MAPK10: variants seen among roughly 807,000 people sequenced by gnomAD.
MAPK10 encodes mitogen-activated protein kinase 10.
Under a neutral mutation model 59.3 loss-of-function variants are expected in MAPK10, and 25 were observed. The ratio of observed to expected loss-of-function variants is 0.42; its 90% CI spans 0.31 to 0.59. MAPK10 has a LOEUF of 0.59. MAPK10 is among the 20% of genes least tolerant of loss of function. The pLI is 0.15. For missense variants in MAPK10, 351 were observed against 568.9 expected, an observed-to-expected ratio of 0.62 and a Z score of 3.90; for synonymous variants, 190 against 200.5, an observed-to-expected ratio of 0.95 and a Z score of 0.44.
intron 2 of MAPK10, among the ~76,000 whole-genome samples, chr4:86,227,165 A>G (rs1304454724): frequency 6.6e-6 from 1 of 152,120 alleles, no homozygotes; most frequent in Non-Finnish European, 1.5e-5. Flanking sequence ...AAGTGTAAAT[A>G]TCTACTTTGC....
At chr4:86,559,289 A>G (rs938503793) in intron 1 of MAPK10, among the ~76,000 whole-genome samples, 3 of 152,092 alleles carry the variant, frequency 2.0e-5, no homozygotes, top group Middle Eastern at 3.2e-3. Context: ...TTCCAAAAAA[A>G]AAAAATCTAA....
intron 4 of MAPK10, chr4:86,124,567 A>G (rs2059775809): frequency 6.6e-6 from 1 of 151,926 alleles, no homozygotes; most frequent in Admixed American, 6.6e-5. Context: ...AGGAATAGCT[A>G]TTATTATTAA....
intron 9 of MAPK10, among the ~76,000 whole-genome samples, chr4:86,077,044 T>G (rs2049638238): frequency 6.6e-6 from 1 of 152,142 alleles, no homozygotes; most frequent in Non-Finnish European, 1.5e-5. Context: ...TGGCATTTAA[T>G]AAGAATTATT....
At chr4:86,520,159 G>C (rs181998719) in intron 1 of MAPK10, among the ~76,000 whole-genome samples, 86 of 152,250 alleles carry the variant, frequency 5.6e-4, no homozygotes, top group African/African-American at 2.0e-3. Flanking sequence ...TGGATGTCTA[G>C]ATCTCTAGCA....
upstream of MAPK10, among the ~76,000 whole-genome samples, chr4:86,363,436 A>G (rs189218853): frequency 4.4e-3 from 669 of 152,288 alleles, 3 homozygotes; most frequent in Non-Finnish European, 6.7e-3. Context: ...GCAACCAGAA[A>G]CAGGTTAATA....
intron 2 of MAPK10, among the ~76,000 whole-genome samples, chr4:86,336,064 A>C (rs1271404415): frequency 6.6e-6 from 1 of 152,214 alleles, no homozygotes; most frequent in African/African-American, 2.4e-5. Flanking sequence ...ACTAGAATCA[A>C]AAGATTTTTT....
chr4:86,098,734 T>C (rs931697283), intron 8 of MAPK10, 139 bp from the exon 9 acceptor site: 4 of 694,644 alleles, frequency 5.8e-6, no homozygotes, highest in African/African-American at 3.5e-5. Flanking sequence ...TTGGCCAAAA[T>C]GTGAATTCAA....
intron 2 of MAPK10, among the ~76,000 whole-genome samples, chr4:86,308,210 A>G (rs2095605087): frequency 6.6e-6 from 1 of 152,144 alleles, no homozygotes; most frequent in Non-Finnish European, 1.5e-5. Flanking sequence ...TTGAAAATAG[A>G]GAGTAGGTGC....
At chr4:86,124,915 C>A (rs1161893773) in intron 4 of MAPK10, 1 of 151,862 alleles carries the variant, frequency 6.6e-6, no homozygotes, top group East Asian at 1.9e-4. Flanking sequence ...TTTAGGCAAT[C>A]TATTTGGCAA....
At position 86,167,070 on chromosome 4, in the gene MAPK10, T is replaced by C. The variant is rs138449288; in HGVS notation, c.67-7603A>G. ...CCACTGATCCCACAGAAATACAAAC[T>C]ACCATCAGAGAATATTATAAACACC... On this transcript the variant is annotated intron_variant, in intron 3 of 13. Transcript: ENST00000641462. Among the ~76,000 whole-genome samples the C allele has an allele frequency of 7.6e-3, 1,150 of 152,228 alleles. 15 individuals are homozygous for C. The highest frequency in any genetic ancestry group is 0.026 in the African/African-American group (1,094 of 41,532).
intron 1 of MAPK10, among the ~76,000 whole-genome samples, chr4:86,485,273 C>T (rs1164462960): frequency 6.6e-6 from 1 of 152,116 alleles, no homozygotes; most frequent in East Asian, 1.9e-4. Flanking sequence ...CTTACACTTT[C>T]TTATATGTAT....
intron 2 of MAPK10, among the ~76,000 whole-genome samples, chr4:86,323,252 A>G (rs1289702391): frequency 6.6e-6 from 1 of 152,108 alleles, no homozygotes; most frequent in Non-Finnish European, 1.5e-5. Flanking sequence ...AAAGGTAAGC[A>G]TTTTCTTTGC....
intron 1 of MAPK10, among the ~76,000 whole-genome samples, chr4:86,497,188 C>G (rs1754930243): frequency 6.6e-6 from 1 of 152,186 alleles, no homozygotes; most frequent in African/African-American, 2.4e-5. Flanking sequence ...TTCTAAAACT[C>G]AGGTACTTTA....
chr4:86,505,990 A>G (rs1481144209), intron 1 of MAPK10, among the ~76,000 whole-genome samples: 1 of 152,176 alleles, frequency 6.6e-6, no homozygotes, highest in Non-Finnish European at 1.5e-5. Context: ...TGAGCTAGGC[A>G]ATATAGAGAC....
intron 2 of MAPK10, among the ~76,000 whole-genome samples, chr4:86,351,398 C>A (rs1447974342): frequency 9.8e-5 from 6 of 61,198 alleles, no homozygotes; most frequent in African/African-American, 3.1e-4. Flanking sequence ...TATACACAAA[C>A]ACACACACAC....
chr4:86,291,067 G>T (rs1317522726), intron 2 of MAPK10, among the ~76,000 whole-genome samples: 2 of 152,158 alleles, frequency 1.3e-5, no homozygotes, highest in East Asian at 3.9e-4. Flanking sequence ...TGCAACTATA[G>T]ACAAGACCAC....
chr4:86,505,098 T>C (rs1035642405), intron 1 of MAPK10, among the ~76,000 whole-genome samples: 5 of 152,140 alleles, frequency 3.3e-5, no homozygotes, highest in African/African-American at 1.2e-4. Flanking sequence ...ACATAATTGT[T>C]TTGGTTCAAC....
chr4:86,175,030 T>C (rs2075358032), intron 3 of MAPK10, among the ~76,000 whole-genome samples: 1 of 152,160 alleles, frequency 6.6e-6, no homozygotes. Flanking sequence ...ATTCACAATT[T>C]GTCTGCAATA....
At chr4:86,456,313 G>A (rs1751221533), upstream of MAPK10, among the ~76,000 whole-genome samples, 1 of 151,962 alleles carries the variant, frequency 6.6e-6, no homozygotes, top group Non-Finnish European at 1.5e-5. Flanking sequence ...AAGATTCAGA[G>A]CAGAACTAAA....
Sources: allele counts gnomAD v4.1 joint callset (sites outside exome capture counted in the v4.1 genomes callset), GRCh38; gene constraint gnomAD v4.1.1; transcripts MANE v1.5; gene names NCBI Gene and HGNC (gene_info 2026-07-23, HGNC 2026-07-21).